KIAA1328: variants seen among roughly 807,000 people sequenced by gnomAD.
KIAA1328 encodes KIAA1328.
In KIAA1328, 52 loss-of-function variants were observed where a neutral mutation model predicts 68.1. That is an observed-to-expected ratio of 0.76 (90% CI 0.61 to 0.96). KIAA1328 has a LOEUF of 0.96. KIAA1328 is among the 40% of genes least tolerant of loss of function. The probability of loss-of-function intolerance (pLI) is 0.00; values close to 1 mark genes in which losing one functional copy is unlikely to be tolerated. For synonymous variants in KIAA1328, 232 were observed against 239.4 expected (o/e 0.97, Z 0.28); for missense variants, 641 against 677.6 (o/e 0.95, Z 0.60).
chr18:36,886,914 A>G (rs920573792), intron 5 of KIAA1328, among the ~76,000 whole-genome samples: 1 of 152,216 alleles, frequency 6.6e-6, no homozygotes, highest in East Asian at 1.9e-4. Flanking sequence ...CTGTAGCTAT[A>G]AAAACAGAGT....
At chr18:36,935,340 T>C (rs1310327721) in intron 5 of KIAA1328, among the ~76,000 whole-genome samples, 4 of 152,230 alleles carry the variant, frequency 2.6e-5, no homozygotes, top group African/African-American at 9.6e-5. Context: ...TACCCTGATG[T>C]GAAGTCACTT....
At chr18:36,891,886 GT>G (rs1338761053) in intron 5 of KIAA1328, among the ~76,000 whole-genome samples, 1 of 152,246 alleles carries the variant, frequency 6.6e-6, no homozygotes, top group East Asian at 1.9e-4. Context: ...GTAAATATTA[GT>G]TTACATTAAA....
At chr18:36,954,916 C>T (rs1312322102) in intron 5 of KIAA1328, among the ~76,000 whole-genome samples, 17 of 151,962 alleles carry the variant, frequency 1.1e-4, no homozygotes, top group Admixed American at 1.1e-3. Context: ...AGGCTGGTCT[C>T]AAACTCCTGA....
At chr18:37,106,504 T>A (rs1476699786) in intron 7 of KIAA1328, among the ~76,000 whole-genome samples, 1 of 151,744 alleles carries the variant, frequency 6.6e-6, no homozygotes, top group Non-Finnish European at 1.5e-5. Flanking sequence ...CTGCAACTTC[T>A]GCCTCTCAAG....
rs1389438251 is a variant in KIAA1328, at chr18:36,829,233, C to T, written c.58+37C>T. On this transcript the variant is annotated intron_variant, in intron 1 of 9. Coordinates refer to ENST00000280020, the MANE Select transcript of KIAA1328 (RefSeq NM_020776.3). The stretch of plus-strand genomic sequence containing the variant: ...CCGCCTGACAGGGGGCGCCGGCGCC[C>T]TCCACGGGACGGCGAGGGGCGAGCC... The T allele has an allele frequency of 1.3e-5, 20 of 1,487,470 alleles. No individual in the cohort carries two copies. The Middle Eastern group carries it at 5.3e-4, about 40-fold the overall frequency. The allele number at this position is 1,487,470 out of a possible 1,614,324, so 92.1% of individuals were successfully genotyped here.
intron 5 of KIAA1328, among the ~76,000 whole-genome samples, chr18:36,944,992 CT>C (rs1229632675): frequency 6.6e-6 from 1 of 152,072 alleles, no homozygotes; most frequent in East Asian, 1.9e-4. Context: ...ATGTTGGCAG[CT>C]TAAGAAGAAA....
intron 6 of KIAA1328, among the ~76,000 whole-genome samples, chr18:37,026,670 A>G (rs1452368005): frequency 2.0e-5 from 3 of 152,220 alleles, no homozygotes; most frequent in African/African-American, 7.2e-5. Context: ...ACAAAATTCA[A>G]CAGCCCTTCA....
At chr18:37,077,867 T>G (rs1336524699) in intron 7 of KIAA1328, among the ~76,000 whole-genome samples, 2 of 151,678 alleles carry the variant, frequency 1.3e-5, no homozygotes, top group Non-Finnish European at 2.9e-5. Flanking sequence ...TGCTCATGGG[T>G]AGGAAGAATC....
At chr18:37,143,660 T>G (rs1247936533) in intron 7 of KIAA1328, among the ~76,000 whole-genome samples, 4 of 151,954 alleles carry the variant, frequency 2.6e-5, no homozygotes, top group Admixed American at 2.6e-4. Context: ...AGTAAAATGT[T>G]AAATACAAGT....
intron 6 of KIAA1328, among the ~76,000 whole-genome samples, chr18:36,994,940 CTATTTATT>C (rs10573421): frequency 0.027 from 4,071 of 149,522 alleles, 72 homozygotes; most frequent in Non-Finnish European, 0.044. Flanking sequence ...CATTCACCCA[CTATTTATT>C]TATTTATTTA....
chr18:36,854,003 T>C (rs993474092), intron 4 of KIAA1328, among the ~76,000 whole-genome samples: 3 of 152,204 alleles, frequency 2.0e-5, no homozygotes, highest in African/African-American at 7.2e-5. Context: ...CCTAAATTCA[T>C]ATGTTGAAGT....
At chr18:37,062,437 T>G (rs1016567014) in intron 6 of KIAA1328, among the ~76,000 whole-genome samples, 1 of 149,512 alleles carries the variant, frequency 6.7e-6, no homozygotes, top group Non-Finnish European at 1.5e-5. Context: ...TGTGGTTTTT[T>G]TTGTTTTGTT....
At chr18:37,112,720 G>C (rs1353632786) in intron 7 of KIAA1328, among the ~76,000 whole-genome samples, 5 of 152,164 alleles carry the variant, frequency 3.3e-5, no homozygotes, top group Non-Finnish European at 5.9e-5. Flanking sequence ...CAAGTGAAAG[G>C]AGGATTTTCG....
intron 7 of KIAA1328, among the ~76,000 whole-genome samples, chr18:37,072,051 A>G (rs1381329924): frequency 6.6e-6 from 1 of 152,214 alleles, no homozygotes; most frequent in Non-Finnish European, 1.5e-5. Context: ...TTACAGAATA[A>G]TTTAGAAAAG....
chr18:37,179,659 C>T (rs2059661224), intron 9 of KIAA1328, among the ~76,000 whole-genome samples: 2 of 152,150 alleles, frequency 1.3e-5, no homozygotes, highest in African/African-American at 4.8e-5. Flanking sequence ...TGGGACCATA[C>T]TCTACCAATC....
chr18:37,063,596 A>G (rs764426115), intron 6 of KIAA1328: 16 of 981,664 alleles, frequency 1.6e-5, no homozygotes, highest in Non-Finnish European at 1.9e-5. Flanking sequence ...GGAGCATCTT[A>G]GAATTCTGCC....
intron 9 of KIAA1328, among the ~76,000 whole-genome samples, chr18:37,200,667 C>T (rs541139145): frequency 8.6e-5 from 13 of 151,808 alleles, no homozygotes; most frequent in South Asian, 2.1e-4. Context: ...AAAAATTAGC[C>T]GGGCGCGGTG....
intron 5 of KIAA1328, among the ~76,000 whole-genome samples, chr18:36,938,114 C>T (rs533192970): frequency 1.3e-5 from 2 of 152,120 alleles, no homozygotes; most frequent in Non-Finnish European, 1.5e-5. Flanking sequence ...TGGGTATATA[C>T]CCAGAAGTGG....
At chr18:37,061,005 C>T (rs1436903340) in intron 6 of KIAA1328, among the ~76,000 whole-genome samples, 3 of 152,170 alleles carry the variant, frequency 2.0e-5, no homozygotes, top group Non-Finnish European at 2.9e-5. Context: ...GTCCCAGCTA[C>T]TCAGGAGGCT....
Sources: allele counts gnomAD v4.1 joint callset (sites outside exome capture counted in the v4.1 genomes callset), GRCh38; gene constraint gnomAD v4.1.1; transcripts MANE v1.5; gene names NCBI Gene and HGNC (gene_info 2026-07-23, HGNC 2026-07-21).